ARHGEF39: variants seen among roughly 807,000 people sequenced by gnomAD.
ARHGEF39 encodes Rho guanine nucleotide exchange factor 39, also known as Rho guanine nucleotide exchange factor (GEF) 39.
A neutral mutation model predicts 47.5 loss-of-function variants in ARHGEF39; 45 were observed. That is an observed-to-expected ratio of 0.95 (90% CI 0.75 to 1.22). The LOEUF (loss-of-function observed/expected upper bound fraction) is 1.22, where lower values mean the gene tolerates loss of function less well. Ranked by LOEUF, ARHGEF39 falls within the 50% of genes most tolerant of loss-of-function variation. The pLI is 0.00. For synonymous variants in ARHGEF39, 164 were observed against 167.8 expected (o/e 0.98, Z 0.17); for missense variants, 411 against 425.3 (o/e 0.97, Z 0.30).
chr9:35,665,011 A>G, intron 1 of ARHGEF39, 21 bp downstream of exon 1: 1 of 1,538,940 alleles, frequency 6.5e-7, no homozygotes, highest in Non-Finnish European at 8.7e-7. Flanking sequence ...CTATAATGGG[A>G]GCGTGTGCCA....
intron 5 of ARHGEF39, 42 bp from the exon 6 acceptor site, chr9:35,663,116 C>G (rs748317132): frequency 6.2e-7 from 1 of 1,607,406 alleles, no homozygotes; most frequent in Admixed American, 1.7e-5. Context: ...ACAACTTTGA[C>G]TTTGGGTGCC....
Position 35,661,692 on chromosome 9 carries a change from T to C in ARHGEF39, c.*295A>G, listed in dbSNP as rs531161831. 1.7e-5 allele frequency: 7 copies of C among 419,678 alleles called. No individual in the cohort carries two copies. In the Admixed American group the frequency reaches 2.8e-4, roughly 16 times the overall value. 26.0% of individuals were successfully genotyped at this position (419,678 alleles called of 1,614,324 possible). A position where few individuals can be genotyped will look rare whatever the true frequency, so the allele number is the denominator to read the frequency against. ...AATTTCTTAATTATTTTTTCTTAAA[T>C]AGAGACAGGGTCTCACTCACTGTGT... On this transcript the variant is annotated 3_prime_UTR_variant, in exon 9 of 9. Transcript: ENST00000378387.
chr9:35,664,727 T>C (rs1207186621), intron 2 of ARHGEF39, 29 bp downstream of exon 2: 1 of 1,594,688 alleles, frequency 6.3e-7, no homozygotes, highest in Non-Finnish European at 8.5e-7. Context: ...CTCTCCCTCC[T>C]TTCCTCTCCC....
chr9:35,660,913 G>C lies in ARHGEF39; in HGVS notation c.*1074C>G. The C allele has an allele frequency of 6.2e-7, 1 of 1,614,188 alleles. No homozygotes were observed. Among genetic ancestry groups the C allele is most frequent in the South Asian group, 1.1e-5 (1 of 91,078 alleles). ...GGTGGAGACAAAGTCTCTGAAACTG[G>C]AACATTCCTGATCTCTCCCCACACA... On this transcript the variant is annotated 3_prime_UTR_variant, in exon 9 of 9. Transcript: ENST00000378387.
At position 35,660,427 on chromosome 9, in the gene ARHGEF39, C is replaced by A; in HGVS notation, c.*1560G>T. ...GGAAAGATGAAACTGCGGTTCTCCA[C>A]GAGGAGGCAAGCAAGCAGCAGCCAC... On this transcript the variant is annotated 3_prime_UTR_variant, in exon 9 of 9. Transcript: ENST00000378387. The A allele has an allele frequency of 5.6e-6, 9 of 1,610,796 alleles. No homozygotes were observed. The highest frequency in any genetic ancestry group is 6.8e-6 in the Non-Finnish European group (8 of 1,178,436).
Position 35,661,235 on chromosome 9 carries a change from C to T in ARHGEF39, c.*752G>A. The T allele has an allele frequency of 1.4e-6, 2 of 1,383,190 alleles. No homozygotes were observed. Among genetic ancestry groups the T allele is most frequent in the South Asian group, 2.7e-5 (2 of 73,866 alleles). 85.7% of individuals were successfully genotyped at this position (1,383,190 alleles called of 1,614,324 possible). ...TCGATCCTAGTTGGTTGTACACACCCATACTAGGTGCCTAAGGACAACTGG... is the reference window on the plus strand; with the variant it reads ...TCGATCCTAGTTGGTTGTACACACCTATACTAGGTGCCTAAGGACAACTGG... On this transcript the variant is annotated 3_prime_UTR_variant, in exon 9 of 9. Coordinates refer to ENST00000378387, the MANE Select transcript of ARHGEF39 (RefSeq NM_032818.3).
intron 7 of ARHGEF39, 28 bp from the exon 8 acceptor site, chr9:35,662,295 G>C: frequency 1.9e-6 from 3 of 1,594,008 alleles, no homozygotes; most frequent in Non-Finnish European, 2.6e-6. Flanking sequence ...CTTAGCGCAT[G>C]GCTCAGAAAG....
intron 2 of ARHGEF39, 79 bp from the exon 3 acceptor site, chr9:35,664,571 C>T: frequency 4.6e-6 from 7 of 1,524,994 alleles, no homozygotes; most frequent in Non-Finnish European, 6.2e-6. Context: ...GAGAATAGCA[C>T]TAATAGTAGT....
rs1221577253 is a variant in ARHGEF39 at position 35,660,070 on chromosome 9, C to T, written c.*1917G>A. ...GTGTTGGCCAGGCTGGTCTCAAACT[C>T]CTGACCTCAGGTGATCCACCCACCT... On this transcript the variant is annotated 3_prime_UTR_variant, in exon 9 of 9. Transcript: ENST00000378387. The T allele has an allele frequency of 1.6e-5, 3 of 193,392 alleles. No homozygotes were observed. The highest frequency in any genetic ancestry group is 3.2e-5 in the Non-Finnish European group (3 of 93,570). The allele number at this position is 193,392 out of a possible 1,614,324, so 12.0% of individuals were successfully genotyped here.
Position 35,662,274 on chromosome 9 carries a change from A to G in ARHGEF39, c.904-7T>C, listed in dbSNP as rs775265694. The G allele has an allele frequency of 3.1e-6, 5 of 1,611,576 alleles. No individual in the cohort carries two copies. In the East Asian group the frequency reaches 1.1e-4, roughly 36 times the overall value. On this transcript the variant is annotated splice_polypyrimidine_tract_variant and splice_region_variant and intron_variant, in intron 7 of 8. Transcript: ENST00000378387. ...TCTCATGAGGGAAGGACAGCTAGAG[A>G]GAGACCACCTCTTAGCGCATGGCTC...
chr9:35,660,937 C>G lies in ARHGEF39; in HGVS notation c.*1050G>C. On this transcript the variant is annotated 3_prime_UTR_variant, in exon 9 of 9. Coordinates refer to ENST00000378387, the MANE Select transcript of ARHGEF39 (RefSeq NM_032818.3). ...GGAACATTCCTGATCTCTCCCCACA[C>G]AGAGGCCAGCAGACCTCTTCCTGAG... 1 of 1,614,200 alleles carries G rather than the reference C, an allele frequency of 6.2e-7. No individual in the cohort carries two copies. The highest frequency in any genetic ancestry group is 1.6e-4 in the Middle Eastern group (1 of 6,062).
In ARHGEF39 at chr9:35,660,936, A is replaced by C. The variant is rs1181359594; in HGVS notation, c.*1051T>G. ...TGGAACATTCCTGATCTCTCCCCACACAGAGGCCAGCAGACCTCTTCCTGA... is the reference window on the plus strand; with the variant it reads ...TGGAACATTCCTGATCTCTCCCCACCCAGAGGCCAGCAGACCTCTTCCTGA... On this transcript the variant is annotated 3_prime_UTR_variant, in exon 9 of 9. Transcript: ENST00000378387. 3 of 1,614,100 alleles carry C rather than the reference A, an allele frequency of 1.9e-6. No individual in the cohort carries two copies.
rs774101386 is a variant in ARHGEF39 at position 35,663,408 on chromosome 9, G to C, written c.474-16C>G. 9 of 1,611,108 alleles carry C rather than the reference G, an allele frequency of 5.6e-6. No individual in the cohort carries two copies. In the Admixed American group the frequency reaches 1.5e-4, roughly 27 times the overall value. On this transcript the variant is annotated splice_polypyrimidine_tract_variant and intron_variant, in intron 4 of 8. Coordinates refer to ENST00000378387, the MANE Select transcript of ARHGEF39 (RefSeq NM_032818.3). ...ATTCTCATACCTGGAATTCAACAGTGGGAAGTCTGAGGGGAAGCAGAGCCA... is the reference window on the plus strand; with the variant it reads ...ATTCTCATACCTGGAATTCAACAGTCGGAAGTCTGAGGGGAAGCAGAGCCA...
At position 35,660,882 on chromosome 9, in the gene ARHGEF39, G is replaced by C. The variant is rs1221045548; in HGVS notation, c.*1105C>G. 3 of 1,614,150 alleles carry C rather than the reference G, an allele frequency of 1.9e-6. No individual in the cohort carries two copies. The highest frequency in any genetic ancestry group is 2.5e-6 in the Non-Finnish European group (3 of 1,180,034). On this transcript the variant is annotated 3_prime_UTR_variant, in exon 9 of 9. Coordinates refer to ENST00000378387, the MANE Select transcript of ARHGEF39 (RefSeq NM_032818.3). The stretch of plus-strand genomic sequence containing the variant: ...AGGTGAAGGCTCGGGAGGCGAGTCT[G>C]CTGGAGGTGGAGACAAAGTCTCTGA...
intron 1 of ARHGEF39, 58 bp from the exon 2 acceptor site, chr9:35,664,908 C>T: frequency 6.4e-7 from 1 of 1,570,592 alleles, no homozygotes; most frequent in Non-Finnish European, 8.6e-7. Context: ...TAACGCCAAG[C>T]GCCCCCAGAA....
chr9:35,664,726 C>A, intron 2 of ARHGEF39, 30 bp downstream of exon 2: 2 of 1,593,732 alleles, frequency 1.3e-6, no homozygotes, highest in South Asian at 2.2e-5. Flanking sequence ...ACTCTCCCTC[C>A]TTTCCTCTCC....
chr9:35,660,939 G>C lies in ARHGEF39; in HGVS notation c.*1048C>G. ...AACATTCCTGATCTCTCCCCACACA[G>C]AGGCCAGCAGACCTCTTCCTGAGGA... On this transcript the variant is annotated 3_prime_UTR_variant, in exon 9 of 9. Transcript: ENST00000378387. 6.2e-7 allele frequency: 1 copy of C among 1,614,214 alleles called. No homozygotes were observed. The highest frequency in any genetic ancestry group is 1.6e-4 in the Middle Eastern group (1 of 6,062).
In ARHGEF39 at chr9:35,662,734, C is replaced by T. The variant is rs916126452; in HGVS notation, c.681G>A (p.Trp227Ter). Residue 227 changes from tryptophan to a stop codon, truncating the protein, a stop_gained, in exon 7 of 9, where the codon TGG becomes TGA. Transcript: ENST00000378387. LOFTEE classifies it high-confidence loss of function. ...RQAKGLTSGRWFLRQGWLLVV... is the reference protein window; with the variant it reads ...RQAKGLTSGR ...CTAACAGCCAGCCCTGGCGTAGGAA[C>T]CAGCGCCCTGGGGGATGGGAGCGCT... 8 of 1,559,260 alleles carry T rather than the reference C, an allele frequency of 5.1e-6. No homozygotes were observed. Among genetic ancestry groups the T allele is most frequent in the African/African-American group, 1.4e-5 (1 of 73,392 alleles).
At chr9:35,664,299 A>G in intron 3 of ARHGEF39, 73 bp downstream of exon 3, 1 of 1,544,818 alleles carries the variant, frequency 6.5e-7, no homozygotes, top group Non-Finnish European at 8.7e-7. Flanking sequence ...TAAATGCAGG[A>G]AATGTATGAA....
Sources: allele counts gnomAD v4.1 joint callset, GRCh38; gene constraint gnomAD v4.1.1; transcripts MANE v1.5; gene names NCBI Gene and HGNC (gene_info 2026-07-23, HGNC 2026-07-21).